ARHGAP28: variants seen among roughly 807,000 people sequenced by gnomAD.
The protein encoded by ARHGAP28 is rho GTPase-activating protein 28.
A neutral mutation model predicts 90.7 loss-of-function variants in ARHGAP28; 56 were observed. That is an observed-to-expected ratio of 0.62 (90% CI 0.50 to 0.77). ARHGAP28 has a LOEUF of 0.77. Ranked by LOEUF, ARHGAP28 falls within the 30% of genes least tolerant of loss-of-function variation. The pLI is 0.00. For missense variants in ARHGAP28, 869 were observed against 900.9 expected, an observed-to-expected ratio of 0.96 and a Z score of 0.45; for synonymous variants, 308 against 323.3, an observed-to-expected ratio of 0.95 and a Z score of 0.51.
At chr18:6,810,254 G>A (rs2143682404) in intron 1 of ARHGAP28, among the ~76,000 whole-genome samples, 1 of 152,250 alleles carries the variant, frequency 6.6e-6, no homozygotes, top group East Asian at 1.9e-4. Flanking sequence ...TGAAGGATGG[G>A]TTTGAGAAGT....
intron 1 of ARHGAP28, chr18:6,789,582 A>G (rs1477914734): frequency 6.6e-6 from 1 of 152,138 alleles, no homozygotes; most frequent in Non-Finnish European, 1.5e-5. Context: ...CTCAAAATAA[A>G]GGAAGATACA....
At chr18:6,881,555 A>G (rs942315274) in intron 10 of ARHGAP28, among the ~76,000 whole-genome samples, 1 of 152,202 alleles carries the variant, frequency 6.6e-6, no homozygotes, top group African/African-American at 2.4e-5. Flanking sequence ...AAACCTTACA[A>G]AGGATTGGGC....
chr18:6,903,272 A>G (rs1374075759), intron 16 of ARHGAP28, among the ~76,000 whole-genome samples: 2 of 152,206 alleles, frequency 1.3e-5, no homozygotes, highest in African/African-American at 4.8e-5. Flanking sequence ...CCACTAAACT[A>G]TACACTTAAA....
At chr18:6,874,179 T>C (rs1036144580) in intron 9 of ARHGAP28, among the ~76,000 whole-genome samples, 2 of 152,254 alleles carry the variant, frequency 1.3e-5, no homozygotes, top group Non-Finnish European at 2.9e-5. Context: ...ATATAAATCA[T>C]ACAAATATTT....
chr18:6,811,485 G>T (rs2056556010), intron 1 of ARHGAP28, among the ~76,000 whole-genome samples: 1 of 152,024 alleles, frequency 6.6e-6, no homozygotes, highest in African/African-American at 2.4e-5. Context: ...ATTTTTGAGG[G>T]TTTGCTATGT....
At chr18:6,742,324 G>A (rs1290161421) in intron 1 of ARHGAP28, among the ~76,000 whole-genome samples, 1 of 151,878 alleles carries the variant, frequency 6.6e-6, no homozygotes, top group Non-Finnish European at 1.5e-5. Context: ...CCACCACCAT[G>A]CCCGGCTAAC....
At chr18:6,845,037 G>GTATTAA (rs1567968128) in intron 3 of ARHGAP28, among the ~76,000 whole-genome samples, 2 of 152,166 alleles carry the variant, frequency 1.3e-5, no homozygotes. Context: ...GTATCCTTTA[G>GTATTAA]TATTAATTTA....
intron 1 of ARHGAP28, among the ~76,000 whole-genome samples, chr18:6,739,810 T>G (rs1196008681): frequency 6.6e-6 from 1 of 151,922 alleles, no homozygotes; most frequent in Non-Finnish European, 1.5e-5. Context: ...GTTAAAAACA[T>G]TTTTTTGTTT....
chr18:6,741,519 G>A (rs1343483839), intron 1 of ARHGAP28, among the ~76,000 whole-genome samples: 1 of 152,092 alleles, frequency 6.6e-6, no homozygotes, highest in Non-Finnish European at 1.5e-5. Context: ...AAAATAACAT[G>A]AGTCATTGCT....
At chr18:6,762,232 A>G (rs1325096729) in intron 1 of ARHGAP28, among the ~76,000 whole-genome samples, 3 of 152,180 alleles carry the variant, frequency 2.0e-5, no homozygotes, top group African/African-American at 7.2e-5. Context: ...TAATGCAGAC[A>G]GTGATTTTTC....
At chr18:6,785,929 CTT>C (rs907064874) in intron 1 of ARHGAP28, among the ~76,000 whole-genome samples, 4 of 152,242 alleles carry the variant, frequency 2.6e-5, no homozygotes, top group African/African-American at 9.6e-5. Flanking sequence ...TTTCATGAAA[CTT>C]TTGTTACATG....
chr18:6,841,180 C>CTCCTCTCTCTCTCTCT (rs1491103592), intron 3 of ARHGAP28, among the ~76,000 whole-genome samples: 2 of 57,064 alleles, frequency 3.5e-5, no homozygotes, highest in Non-Finnish European at 6.3e-5. Context: ...CTCTCTCTCT[C>CTCCTCTCTCTCTCTCT]CTCTCTCTCT....
chr18:6,821,344 A>C (rs531961199), intron 1 of ARHGAP28, among the ~76,000 whole-genome samples: 2 of 152,324 alleles, frequency 1.3e-5, no homozygotes, highest in African/African-American at 4.8e-5. Flanking sequence ...GTGTTTTTCC[A>C]ACAAAAGTTT....
intron 10 of ARHGAP28, among the ~76,000 whole-genome samples, chr18:6,877,674 A>G (rs1228109552): frequency 1.3e-5 from 2 of 151,586 alleles, no homozygotes; most frequent in South Asian, 4.2e-4. Flanking sequence ...AAGGCAGGGA[A>G]ATGCCCAACG....
At chr18:6,859,918 C>A in intron 5 of ARHGAP28, 21 bp downstream of exon 5, 1 of 1,601,564 alleles carries the variant, frequency 6.2e-7, no homozygotes. Flanking sequence ...CATGTCAGCA[C>A]AGTTACATGT....
intron 1 of ARHGAP28, among the ~76,000 whole-genome samples, chr18:6,782,268 G>GT (rs2056329963): frequency 6.6e-6 from 1 of 152,030 alleles, no homozygotes; most frequent in Non-Finnish European, 1.5e-5. Context: ...AGTGTTCACT[G>GT]TTTTTTAGCA....
chr18:6,845,849 G>A (rs1268560203), intron 3 of ARHGAP28, among the ~76,000 whole-genome samples: 1 of 152,230 alleles, frequency 6.6e-6, no homozygotes, highest in Admixed American at 6.5e-5. Flanking sequence ...TCTTAAATGT[G>A]TAGTGATAAG....
At chr18:6,856,916 T>TTTG (rs1567972243) in intron 4 of ARHGAP28, among the ~76,000 whole-genome samples, 1 of 152,220 alleles carries the variant, frequency 6.6e-6, no homozygotes, top group East Asian at 1.9e-4. Context: ...GATTCATCCA[T>TTTG]TTGTTGTATG....
At chr18:6,779,823 G>A (rs542571633) in intron 1 of ARHGAP28, among the ~76,000 whole-genome samples, 67 of 152,276 alleles carry the variant, frequency 4.4e-4, no homozygotes, top group African/African-American at 1.5e-3. Context: ...ACTGACCTAC[G>A]TGCATCTTTC....
Sources: allele counts gnomAD v4.1 joint callset (sites outside exome capture counted in the v4.1 genomes callset), GRCh38; gene constraint gnomAD v4.1.1; transcripts MANE v1.5; gene names NCBI Gene and HGNC (gene_info 2026-07-23, HGNC 2026-07-21).